The following DDX39A variants were observed in gnomAD, a reference collection of about 807,000 sequenced individuals.
DDX39A encodes the protein ATP-dependent RNA helicase DDX39A.
A neutral mutation model predicts 46.3 loss-of-function variants in DDX39A; 13 were observed. The observed-to-expected ratio is 0.28, with a 90% CI of 0.18 to 0.45. The LOEUF (loss-of-function observed/expected upper bound fraction) is 0.45. DDX39A is among the 20% of genes least tolerant of loss of function. DDX39A has a pLI of 1.00. For missense variants in DDX39A, 352 were observed against 581.8 expected, an observed-to-expected ratio of 0.61 and a Z score of 4.06; for synonymous variants, 234 against 224.6, an observed-to-expected ratio of 1.04 and a Z score of -0.38.
Position 14,409,369 on chromosome 19 carries a change from G to A in DDX39A, c.1053C>T (p.Asp351=), listed in dbSNP as rs756125583. 1.2e-6 allele frequency: 2 copies of A among 1,614,240 alleles called. No individual in the cohort carries two copies. Among genetic ancestry groups the A allele is most frequent in the East Asian group, 2.2e-5 (1 of 44,896 alleles). Reference sequence around the variant, plus strand: ...TAAAGACGATGTTGACTCGCTCGATGTCCATCCCCCGGCCAAACAGATTGG... The same window carrying A: ...TAAAGACGATGTTGACTCGCTCGATATCCATCCCCCGGCCAAACAGATTGG... The part of the protein sequence containing the change: ...VATNLFGRGM[D]IERVNIVFNY... The change falls in exon 9 of 11, where the codon GAC becomes GAT. Residue 351 remains aspartate (D), a synonymous_variant. Transcript: ENST00000242776. This position sits in a 1 kb window ranked among gnomAD's most constrained non-coding sequence, Gnocchi z 8.3.
At position 14,410,751 on chromosome 19, in the gene DDX39A, G is replaced by GGT; in HGVS notation, c.613+236_613+237dup. The GGT allele has an allele frequency of 1.8e-6, 1 of 548,696 alleles. No homozygotes were observed. Among genetic ancestry groups the GGT allele is most frequent in the East Asian group, 3.0e-5 (1 of 33,390 alleles). 34.0% of individuals were successfully genotyped at this position (548,696 alleles called of 1,614,324 possible). On this transcript the variant is annotated intron_variant, in intron 5 of 10. Transcript: ENST00000242776. This position sits in a 1 kb window ranked among gnomAD's most constrained non-coding sequence, Gnocchi z 4.3. ...GTGGCAGAAGCCTCATACTCCCAGA[G>GGT]GTATGTGTGCATGCCTTTACGTCCA...
chr19:14,409,773 A>C lies in DDX39A; in HGVS notation c.833T>G (p.Phe278Cys), dbSNP rs750697093. 1 of 1,614,162 alleles carries C rather than the reference A, an allele frequency of 6.2e-7. No homozygotes were observed. Among genetic ancestry groups the C allele is most frequent in the Non-Finnish European group, 8.5e-7 (1 of 1,180,034 alleles). Reference protein sequence around the residue: ...LKDSEKNRKLFDLLDVLEFNQ... With the variant: ...LKDSEKNRKLCDLLDVLEFNQ... ...AAACTCCAGCACATCCAAGAGATCA[A>C]AGAGCTTGCGGTTCTTCTCACTGTC... Residue 278 changes from phenylalanine (F) to cysteine (C), a missense_variant, in exon 7 of 11, where the codon TTT becomes TGT. Phe to Cys is a radical substitution (Grantham distance 205, BLOSUM62 -2). Around this residue, in one of 3 missense-constraint regions of DDX39A, gnomAD observed 301 missense variants for 469.9 expected, o/e 0.64. Coordinates refer to ENST00000242776, the MANE Select transcript of DDX39A (RefSeq NM_005804.4). The surrounding 1 kb of genome is among the most constrained non-coding windows in gnomAD (Gnocchi z 8.3).
intron 1 of DDX39A, among the ~76,000 whole-genome samples, chr19:14,415,642 T>C (rs991427612): frequency 1.3e-5 from 2 of 151,688 alleles, no homozygotes; most frequent in African/African-American, 2.4e-5. Flanking sequence ...ACCAACATAC[T>C]ACATTTTGCT....
rs1442128363 is a variant in DDX39A at position 14,409,795 on chromosome 19, T to C, written c.811A>G (p.Ser271Gly). The stretch of plus-strand genomic sequence containing the variant: ...TCAAAGAGCTTGCGGTTCTTCTCAC[T>C]GTCTTTGAGTTTGACGTAGTACTGC... The part of the protein sequence containing the change: ...LQQYYVKLKD[S>G]EKNRKLFDLL... The change falls in exon 7 of 11, where the codon AGT becomes GGT. Residue 271 changes from serine (S) to glycine (G), a missense_variant. Transcript: ENST00000242776. This position sits in a 1 kb window ranked among gnomAD's most constrained non-coding sequence, Gnocchi z 8.3. The C allele has an allele frequency of 6.2e-7, 1 of 1,614,160 alleles. No homozygotes were observed. The highest frequency in any genetic ancestry group is 8.5e-7 in the Non-Finnish European group (1 of 1,180,030).
chr19:14,409,185 C>A lies in DDX39A; in HGVS notation c.1120-1G>T. ...TGCCAAAGCGACCCGCCCGGGCCACCTGCAGGCAGACAGGATCAGGGTCAG... is the reference window on the plus strand; with the variant it reads ...TGCCAAAGCGACCCGCCCGGGCCACATGCAGGCAGACAGGATCAGGGTCAG... On this transcript the variant is annotated splice_acceptor_variant, in intron 9 of 10. Transcript: ENST00000242776. LOFTEE classifies it high-confidence loss of function. This position sits in a 1 kb window ranked among gnomAD's most constrained non-coding sequence, Gnocchi z 8.3. 6.2e-7 allele frequency: 1 copy of A among 1,614,214 alleles called. No homozygotes were observed. Among genetic ancestry groups the A allele is most frequent in the Non-Finnish European group, 8.5e-7 (1 of 1,180,032 alleles).
At chr19:14,413,801 GGTGGGAACTGAGTTT>G (rs1457615919) in intron 1 of DDX39A, among the ~76,000 whole-genome samples, 1 of 152,192 alleles carries the variant, frequency 6.6e-6, no homozygotes, top group Non-Finnish European at 1.5e-5. Context: ...CCAGGATGCT[GGTGGGAACTGAGTTT>G]GCGAGAGAGC....
intron 1 of DDX39A, among the ~76,000 whole-genome samples, chr19:14,417,092 G>A (rs1300127222): frequency 6.6e-6 from 1 of 152,124 alleles, no homozygotes; most frequent in Admixed American, 6.6e-5. Context: ...CTCCGATGAA[G>A]GGGTAGGTTA....
chr19:14,418,429 G>A (rs369308578), intron 1 of DDX39A, among the ~76,000 whole-genome samples: 1 of 152,022 alleles, frequency 6.6e-6, no homozygotes, highest in African/African-American at 2.4e-5. Context: ...TCCCACCTGG[G>A]GACTCCTATT....
In DDX39A at chr19:14,412,593, G is replaced by A. The variant is rs774517231; in HGVS notation, c.294C>T (p.Phe98=). 27 of 1,610,796 alleles carry A rather than the reference G, an allele frequency of 1.7e-5. No individual in the cohort carries two copies. The highest frequency in any genetic ancestry group is 1.7e-4 in the Middle Eastern group (1 of 6,058). ...CAATCTGCTGTAGGGTGGCCAGCAC[G>A]AAGACCGCTGTCTTGCCCATCCCGG... ...AKSGMGKTAV[F]VLATLQQIEP... The change falls in exon 3 of 11, where the codon TTC becomes TTT. Residue 98 remains phenylalanine, a synonymous_variant. Coordinates refer to ENST00000242776, the MANE Select transcript of DDX39A (RefSeq NM_005804.4). The surrounding 1 kb of genome is among the most constrained non-coding windows in gnomAD (Gnocchi z 4.4).
rs542691704 is a variant in DDX39A at position 14,411,655 on chromosome 19, C to T, written c.337-57G>A. On this transcript the variant is annotated intron_variant, in intron 3 of 10. Coordinates refer to ENST00000242776, the MANE Select transcript of DDX39A (RefSeq NM_005804.4). This position sits in a 1 kb window ranked among gnomAD's most constrained non-coding sequence, Gnocchi z 4.1. Reference sequence around the variant, plus strand: ...TTAGGCAGTGTCCTAAACCCCTTCCCCACCAGAGTCCACCCAACCCAGTCC... The same window carrying T: ...TTAGGCAGTGTCCTAAACCCCTTCCTCACCAGAGTCCACCCAACCCAGTCC... 17 of 1,486,846 alleles carry T rather than the reference C, an allele frequency of 1.1e-5. No individual in the cohort carries two copies. The East Asian group carries it at 3.5e-4, about 30-fold the overall frequency. 92.1% of individuals were successfully genotyped at this position (1,486,846 alleles called of 1,614,324 possible). A position where few individuals can be genotyped will look rare whatever the true frequency, so the allele number is the denominator to read the frequency against.
rs1397112607 is a variant in DDX39A, at chr19:14,409,207, T to A, written c.1120-23A>T. 6.2e-7 allele frequency: 1 copy of A among 1,613,888 alleles called. No homozygotes were observed. The highest frequency in any genetic ancestry group is 8.5e-7 in the Non-Finnish European group (1 of 1,179,992). On this transcript the variant is annotated intron_variant, in intron 9 of 10. Coordinates refer to ENST00000242776, the MANE Select transcript of DDX39A (RefSeq NM_005804.4). The surrounding 1 kb of genome is among the most constrained non-coding windows in gnomAD (Gnocchi z 8.3). ...CACCTGCAGGCAGACAGGATCAGGG[T>A]CAGGCCACAGATACTACCTCAGGAC...
intron 1 of DDX39A, among the ~76,000 whole-genome samples, chr19:14,418,703 C>G (rs372942066): frequency 3.5e-4 from 54 of 152,180 alleles, no homozygotes; most frequent in African/African-American, 1.2e-3. Flanking sequence ...CTCAAGTGAT[C>G]CGCCCTCCTT....
In DDX39A at chr19:14,412,610, C is replaced by G; in HGVS notation, c.277G>C (p.Gly93Arg). Residue 93 changes from glycine to arginine, a missense_variant, in exon 3 of 11, where the codon GGC becomes CGC. This residue lies in a region of DDX39A where 301 missense variants were observed against 469.9 expected (regional missense o/e 0.64). Transcript: ENST00000242776. This position sits in a 1 kb window ranked among gnomAD's most constrained non-coding sequence, Gnocchi z 4.4. ...GCCAGCACGAAGACCGCTGTCTTGC[C>G]CATCCCGGACTTGGCCTGGCACAGG... The part of the protein sequence containing the change: ...DVLCQAKSGM[G>R]KTAVFVLATL... 1.2e-6 allele frequency: 2 copies of G among 1,611,082 alleles called. No homozygotes were observed. The highest frequency in any genetic ancestry group is 1.7e-6 in the Non-Finnish European group (2 of 1,180,016).
Position 14,409,748 on chromosome 19 carries a change from A to G in DDX39A, c.858T>C (p.Phe286=). The G allele has an allele frequency of 6.2e-7, 1 of 1,614,180 alleles. No homozygotes were observed. Among genetic ancestry groups the G allele is most frequent in the Non-Finnish European group, 8.5e-7 (1 of 1,180,020 alleles). The change falls in exon 7 of 11, where the codon TTT becomes TTC. Residue 286 remains phenylalanine (F), a synonymous_variant. Coordinates refer to ENST00000242776, the MANE Select transcript of DDX39A (RefSeq NM_005804.4). The surrounding 1 kb of genome is among the most constrained non-coding windows in gnomAD (Gnocchi z 8.3). The stretch of plus-strand genomic sequence containing the variant: ...AGGCTGATGGAAGTATCACCTGGTT[A>G]AACTCCAGCACATCCAAGAGATCAA... ...KLFDLLDVLE[F]NQVIIFVKSV...
At position 14,411,328 on chromosome 19, in the gene DDX39A, G is replaced by T; in HGVS notation, c.430-156C>A. ...CAAAGGCAGCCCCAGGCTGGGACCT[G>T]CGCAGGCCCCTGGGAGCCATGCATA... On this transcript the variant is annotated intron_variant, in intron 4 of 10. Coordinates refer to ENST00000242776, the MANE Select transcript of DDX39A (RefSeq NM_005804.4). This position sits in a 1 kb window ranked among gnomAD's most constrained non-coding sequence, Gnocchi z 4.1. The T allele has an allele frequency of 9.6e-7, 1 of 1,041,760 alleles. No homozygotes were observed. The highest frequency in any genetic ancestry group is 1.4e-6 in the Non-Finnish European group (1 of 719,004). 64.5% of individuals were successfully genotyped at this position (1,041,760 alleles called of 1,614,324 possible). A position where few individuals can be genotyped will look rare whatever the true frequency, so the allele number is the denominator to read the frequency against.
chr19:14,417,447 C>T (rs1047212280), intron 1 of DDX39A, among the ~76,000 whole-genome samples: 1 of 131,118 alleles, frequency 7.6e-6, no homozygotes, highest in African/African-American at 3.0e-5. Flanking sequence ...AAGTCGAGAC[C>T]GCGTCTATAC....
chr19:14,409,204 G>A lies in DDX39A; in HGVS notation c.1120-20C>T, dbSNP rs1175007752. On this transcript the variant is annotated intron_variant, in intron 9 of 10. Transcript: ENST00000242776. The surrounding 1 kb of genome is among the most constrained non-coding windows in gnomAD (Gnocchi z 8.3). ...GGCCACCTGCAGGCAGACAGGATCA[G>A]GGTCAGGCCACAGATACTACCTCAG... The A allele has an allele frequency of 1.2e-6, 2 of 1,614,028 alleles. No homozygotes were observed. The highest frequency in any genetic ancestry group is 1.7e-6 in the Non-Finnish European group (2 of 1,180,022).
At chr19:14,418,618 C>T (rs753780594) in intron 1 of DDX39A, among the ~76,000 whole-genome samples, 2 of 150,524 alleles carry the variant, frequency 1.3e-5, no homozygotes, top group South Asian at 4.1e-4. Flanking sequence ...CCACCACGCT[C>T]GGCTGATTTT....
At chr19:14,418,980 G>A (rs762682225) in intron 1 of DDX39A, 1 of 456,118 alleles carries the variant, frequency 2.2e-6, no homozygotes, top group South Asian at 1.5e-5. Flanking sequence ...CTATTCGGAC[G>A]AACTGACAGA....
Sources: allele counts gnomAD v4.1 joint callset (sites outside exome capture counted in the v4.1 genomes callset), GRCh38; gene constraint gnomAD v4.1.1; regional missense constraint gnomAD v4.1.1; non-coding constraint Gnocchi (gnomAD v3.1); transcripts MANE v1.5; gene names NCBI Gene and HGNC (gene_info 2026-07-23, HGNC 2026-07-21).